Variants in POGK observed in about 807,000 individuals in gnomAD.
POGK encodes pogo transposable element with KRAB domain.
Under a neutral mutation model 54.4 loss-of-function variants are expected in POGK, and 16 were observed. The ratio of observed to expected loss-of-function variants is 0.29; its 90% CI spans 0.20 to 0.45. The LOEUF is 0.45. POGK is among the 20% of genes least tolerant of loss of function. The probability of loss-of-function intolerance (pLI) is 1.00; values close to 1 mark genes in which losing one functional copy is unlikely to be tolerated. For missense variants in POGK, 515 were observed against 795.6 expected (o/e 0.65, Z 4.24); for synonymous variants, 271 against 302.2 (o/e 0.90, Z 1.07).
chr1:166,848,090 G>T (rs562160127), intron 4 of POGK, among the ~76,000 whole-genome samples: 94 of 152,314 alleles, frequency 6.2e-4, no homozygotes, highest in African/African-American at 2.2e-3. Flanking sequence ...GGCCACAGTT[G>T]AATAAATATA....
chr1:166,844,116 G>A (rs559454938), intron 2 of POGK, among the ~76,000 whole-genome samples: 1 of 152,302 alleles, frequency 6.6e-6, no homozygotes, highest in South Asian at 2.1e-4. Flanking sequence ...GCATAATGTG[G>A]GCTTGTTTGA....
rs1657973103 is a variant in POGK at position 166,849,478 on chromosome 1, A to C, written c.899A>C (p.Glu300Ala). Residue 300 changes from glutamate (E) to alanine (A), a missense_variant, in exon 5 of 6, where the codon GAG becomes GCG. This residue lies in a region of POGK where 461 missense variants were observed against 743.5 expected (regional missense o/e 0.62). Coordinates refer to ENST00000367876, the MANE Select transcript of POGK (RefSeq NM_017542.5). ...LEIAQEMNIP[E>A]KGFKASLGWC... ...ATCGCCCAGGAAATGAACATTCCAG[A>C]GAAAGGGTTCAAGGCAAGCTTGGGT... is the stretch of plus-strand genomic sequence containing the variant. 11 of 1,614,144 alleles carry C rather than the reference A, an allele frequency of 6.8e-6. No homozygotes were observed. Among genetic ancestry groups the C allele is most frequent in the African/African-American group, 1.3e-5 (1 of 74,954 alleles).
rs1314318687 is a variant in POGK at position 166,855,974 on chromosome 1, C to G, written c.*3404C>G. The G allele has an allele frequency of 1.3e-5, 2 of 152,220 alleles. No homozygotes were observed. The highest frequency in any genetic ancestry group is 1.5e-5 in the Non-Finnish European group (1 of 68,018). The allele number at this position is 152,220 out of a possible 1,614,324, so 9.4% of individuals were successfully genotyped here. On this transcript the variant is annotated 3_prime_UTR_variant, in exon 6 of 6. Coordinates refer to ENST00000367876, the MANE Select transcript of POGK (RefSeq NM_017542.5). ...CTCACCTAAAACTAATGGCTTGTGC[C>G]AAGAACTGAAACTAAGCTATTGATT...
chr1:166,846,112 A>G (rs1243331731), intron 2 of POGK, among the ~76,000 whole-genome samples: 1 of 152,188 alleles, frequency 6.6e-6, no homozygotes, highest in Non-Finnish European at 1.5e-5. Context: ...AAACCCACAA[A>G]GATCCCACGG....
chr1:166,841,812 A>C (rs1476780248), intron 2 of POGK, among the ~76,000 whole-genome samples: 1 of 152,088 alleles, frequency 6.6e-6, no homozygotes, highest in African/African-American at 2.4e-5. Flanking sequence ...GCTTCCATGA[A>C]GAGCCCCTAT....
Position 166,849,935 on chromosome 1 carries a change from G to A in POGK, c.1356G>A (p.Val452=). ...ACTTGATGCAGGACTGGTTGGAAGTGGTGTGGAGACGGAGGACAGGAGCAG... is the reference window on the plus strand; with the variant it reads ...ACTTGATGCAGGACTGGTTGGAAGTAGTGTGGAGACGGAGGACAGGAGCAG... ...TEDLMQDWLE[V]VWRRRTGAVP... Residue 452 remains valine (V), a synonymous_variant, in exon 5 of 6, where the codon GTG becomes GTA. Coordinates refer to ENST00000367876, the MANE Select transcript of POGK (RefSeq NM_017542.5). The A allele has an allele frequency of 6.2e-7, 1 of 1,614,248 alleles. No homozygotes were observed. Among genetic ancestry groups the A allele is most frequent in the Non-Finnish European group, 8.5e-7 (1 of 1,180,050 alleles).
chr1:166,854,307 A>G lies in POGK; in HGVS notation c.*1737A>G, dbSNP rs1335466660. 1 of 152,640 alleles carries G rather than the reference A, an allele frequency of 6.6e-6. No homozygotes were observed. Among genetic ancestry groups the G allele is most frequent in the Admixed American group, 6.5e-5 (1 of 15,274 alleles). The allele number at this position is 152,640 out of a possible 1,614,324, so 9.5% of individuals were successfully genotyped here. ...CTGCTGCCAGGGTTTCTCTGGGCTC[A>G]TTCTTCCACTGACTTAATTATGATC... On this transcript the variant is annotated 3_prime_UTR_variant, in exon 6 of 6. Coordinates refer to ENST00000367876, the MANE Select transcript of POGK (RefSeq NM_017542.5).
rs1014356643 is a variant in POGK at position 166,853,232 on chromosome 1, T to G, written c.*662T>G. The G allele has an allele frequency of 1.3e-5, 2 of 152,674 alleles. No homozygotes were observed. Among genetic ancestry groups the G allele is most frequent in the African/African-American group, 4.8e-5 (2 of 41,464 alleles). 9.5% of individuals were successfully genotyped at this position (152,674 alleles called of 1,614,324 possible). ...ACAAACTAGGTTAGTGTGGAAGATA[T>G]AGGTTAAAATAAACTATGCTGTTTT... On this transcript the variant is annotated 3_prime_UTR_variant, in exon 6 of 6. Coordinates refer to ENST00000367876, the MANE Select transcript of POGK (RefSeq NM_017542.5).
At chr1:166,847,450 G>T in intron 3 of POGK, 44 bp from the exon 4 acceptor site, 2 of 1,473,592 alleles carry the variant, frequency 1.4e-6, no homozygotes, top group Non-Finnish European at 1.9e-6. Flanking sequence ...AGTGCTCCAG[G>T]ACAGTAACAC....
chr1:166,847,501 A>G lies in POGK; in HGVS notation c.267A>G (p.Pro89=), dbSNP rs147461120. 22 of 1,613,542 alleles carry G rather than the reference A, an allele frequency of 1.4e-5. No homozygotes were observed. In the African/African-American group the frequency reaches 2.4e-4, roughly 18 times the overall value. Reference sequence around the variant, plus strand: ...TTTATTTCCTATAAACAGAATTCCCATTCCCTAAGCCAGACATGATCACCC... The same window carrying G: ...TTTATTTCCTATAAACAGAATTCCCGTTCCCTAAGCCAGACATGATCACCC... ...NYETVLSLEF[P]FPKPDMITRL... The change falls in exon 4 of 6, where the codon CCA becomes CCG. Residue 89 remains proline, a synonymous_variant. Coordinates refer to ENST00000367876, the MANE Select transcript of POGK (RefSeq NM_017542.5).
intron 2 of POGK, among the ~76,000 whole-genome samples, chr1:166,841,769 G>A (rs950704446): frequency 6.6e-6 from 1 of 152,126 alleles, no homozygotes. Flanking sequence ...TTTCCGTTGT[G>A]TATAAACATT....
chr1:166,842,554 A>G (rs1657558078), intron 2 of POGK, among the ~76,000 whole-genome samples: 1 of 152,266 alleles, frequency 6.6e-6, no homozygotes, highest in African/African-American at 2.4e-5. Flanking sequence ...AGGATGCACC[A>G]GGAGCCAAGA....
rs746059003 is a variant in POGK at position 166,855,181 on chromosome 1, A to G, written c.*2611A>G. ...TTTTAATTCAGAACAACAAAAGAAC[A>G]TGCTAAGCGAGTCCTCCCACCTGCC... On this transcript the variant is annotated 3_prime_UTR_variant, in exon 6 of 6. Transcript: ENST00000367876. 3 of 152,208 alleles carry G rather than the reference A, an allele frequency of 2.0e-5. No individual in the cohort carries two copies. Among genetic ancestry groups the G allele is most frequent in the Non-Finnish European group, 2.9e-5 (2 of 68,032 alleles). 9.4% of individuals were successfully genotyped at this position (152,208 alleles called of 1,614,324 possible). A position where few individuals can be genotyped will look rare whatever the true frequency, so the allele number is the denominator to read the frequency against.
chr1:166,844,063 T>C (rs1205394675), intron 2 of POGK, among the ~76,000 whole-genome samples: 1 of 152,224 alleles, frequency 6.6e-6, no homozygotes, highest in Admixed American at 6.5e-5. Context: ...CACAGAGGCT[T>C]GCTGTGAGGA....
intron 3 of POGK, 133 bp downstream of exon 3, chr1:166,846,871 T>A (rs56229522): frequency 0.22 from 279,156 of 1,241,736 alleles, 34,053 homozygotes; most frequent in East Asian, 0.54. Context: ...CTGTGCCCAT[T>A]TATTCCAATT....
At chr1:166,850,524 C>A in intron 5 of POGK, 101 bp downstream of exon 5, 1 of 1,333,026 alleles carries the variant, frequency 7.5e-7, no homozygotes, top group Non-Finnish European at 1.0e-6. Flanking sequence ...TCCCTTAGAG[C>A]CTACAGTGCA....
At chr1:166,847,798 C>A (rs1360874766) in intron 4 of POGK, among the ~76,000 whole-genome samples, 1 of 152,188 alleles carries the variant, frequency 6.6e-6, no homozygotes, top group African/African-American at 2.4e-5. Flanking sequence ...CCTCTATCAG[C>A]TCTGAGTAAC....
rs1407786171 is a variant in POGK at position 166,850,010 on chromosome 1, C to T, written c.1431C>T (p.Ala477=). Residue 477 remains alanine (A), a synonymous_variant, in exon 5 of 6, where the codon GCC becomes GCT. Transcript: ENST00000367876. ...MLILNGFRGH[A]TDSVKNSMES... ...TCTTGAATGGCTTCCGGGGCCATGC[C>T]ACAGATTCCGTGAAGAACTCCATGG... 14 of 1,614,144 alleles carry T rather than the reference C, an allele frequency of 8.7e-6. No homozygotes were observed. Among genetic ancestry groups the T allele is most frequent in the Admixed American group, 8.3e-5 (5 of 60,020 alleles).
intron 2 of POGK, 59 bp downstream of exon 2, chr1:166,841,147 T>G: frequency 6.3e-7 from 1 of 1,595,598 alleles, no homozygotes; most frequent in Non-Finnish European, 8.5e-7. Flanking sequence ...GAGCCCAGCT[T>G]GCTTTAAGTC....
Sources: allele counts gnomAD v4.1 joint callset (sites outside exome capture counted in the v4.1 genomes callset), GRCh38; gene constraint gnomAD v4.1.1; regional missense constraint gnomAD v4.1.1; transcripts MANE v1.5; gene names NCBI Gene and HGNC (gene_info 2026-07-23, HGNC 2026-07-21).